UPK1A: variants seen among roughly 807,000 people sequenced by gnomAD.
UPK1A encodes the protein uroplakin 1A.
Under a neutral mutation model 32.3 loss-of-function variants are expected in UPK1A, and 31 were observed. That is an observed-to-expected ratio of 0.96 (90% CI 0.72 to 1.30). The LOEUF (loss-of-function observed/expected upper bound fraction) is 1.30. Ranked by LOEUF, UPK1A falls within the 50% of genes most tolerant of loss-of-function variation. The probability of loss-of-function intolerance (pLI) is 0.00; values close to 1 mark genes in which losing one functional copy is unlikely to be tolerated. For missense variants in UPK1A, 340 were observed against 357.4 expected, an observed-to-expected ratio of 0.95 and a Z score of 0.39; for synonymous variants, 135 against 137.1, an observed-to-expected ratio of 0.98 and a Z score of 0.11.
intron 6 of UPK1A, 87 bp downstream of exon 6, chr19:35,676,106 C>G: frequency 1.4e-6 from 2 of 1,391,434 alleles, no homozygotes; most frequent in East Asian, 5.0e-5. Context: ...CTCTTTCTCC[C>G]TCCCTGTGTC....
chr19:35,666,853 C>G (rs748635844), exon 2 of UPK1A: 3 of 1,614,112 alleles, frequency 1.9e-6, no homozygotes, highest in Non-Finnish European at 2.5e-6. Flanking sequence ...AAGGGATCTC[C>G]AGTTGTGGTG....
intron 3 of UPK1A, among the ~76,000 whole-genome samples, chr19:35,672,966 C>T (rs1968124539): frequency 6.6e-6 from 1 of 152,162 alleles, no homozygotes; most frequent in African/African-American, 2.4e-5. Flanking sequence ...ATCGCCCCCT[C>T]GGCCTCCCAA....
chr19:35,666,943 A>G, intron 2 of UPK1A, 47 bp downstream of exon 2: 2 of 1,595,958 alleles, frequency 1.3e-6, no homozygotes, highest in Non-Finnish European at 1.7e-6. Flanking sequence ...TGTGGTGGGG[A>G]GGGGACAGTC....
intron 5 of UPK1A, 98 bp downstream of exon 5, chr19:35,673,643 T>A: frequency 1.9e-6 from 2 of 1,027,188 alleles, no homozygotes; most frequent in Non-Finnish European, 2.9e-6. Flanking sequence ...GTGAGTGCCT[T>A]AAAGACATCC....
At chr19:35,670,495 CCTCCCCTCCCCTCCCCTCGCCTCCT>C (rs1396892199) in intron 3 of UPK1A, among the ~76,000 whole-genome samples, 1 of 75,788 alleles carries the variant, frequency 1.3e-5, no homozygotes, top group Non-Finnish European at 2.7e-5. Flanking sequence ...GGACTCCTCC[CCTCCCCTCCCCTCCCCTCGCCTCCT>C]CTCCCCTCCC....
chr19:35,668,165 C>G, intron 2 of UPK1A: 1 of 491,270 alleles, frequency 2.0e-6, no homozygotes, highest in Non-Finnish European at 3.7e-6. Flanking sequence ...GCAGATGGAC[C>G]AAGCATCTCC....
intron 3 of UPK1A, among the ~76,000 whole-genome samples, chr19:35,669,135 C>T (rs1599629203): frequency 6.6e-6 from 1 of 152,168 alleles, no homozygotes; most frequent in East Asian, 1.9e-4. Context: ...TCATTTATTC[C>T]TCATAGTCCA....
Position 35,668,667 on chromosome 19 carries a change from G to A in UPK1A, c.285+13G>A, listed in dbSNP as rs1230810571. The A allele has an allele frequency of 6.2e-7, 1 of 1,606,750 alleles. No individual in the cohort carries two copies. The highest frequency in any genetic ancestry group is 2.2e-5 in the East Asian group (1 of 44,646). On this transcript the variant is annotated intron_variant, in intron 3 of 7. Transcript: ENST00000617999. ...CATGGTCCTCACGGTGAGACTCCAGGGGTTGGGGGATGGGGACACTGAAAA... is the reference window on the plus strand; with the variant it reads ...CATGGTCCTCACGGTGAGACTCCAGAGGTTGGGGGATGGGGACACTGAAAA...
At chr19:35,668,553 G>T in exon 3 of UPK1A, 1 of 1,614,146 alleles carries the variant, frequency 6.2e-7, no homozygotes, top group Non-Finnish European at 8.5e-7. Flanking sequence ...TGACGTCTTC[G>T]CTGGTGCCTG....
Position 35,676,029 on chromosome 19 carries a change from TC to T in UPK1A, c.648+11del. 1.2e-6 allele frequency: 2 copies of T among 1,607,964 alleles called. No homozygotes were observed. Among genetic ancestry groups the T allele is most frequent in the Non-Finnish European group, 1.7e-6 (2 of 1,176,594 alleles). On this transcript the variant is annotated intron_variant, in intron 6 of 7. Coordinates refer to ENST00000617999, the Ensembl canonical transcript of UPK1A. ...CTACCTGTTCACCAAGGTGTGGCCG[TC>T]TGCCCTGCTCCATCTGTCTATCCAT...
At chr19:35,671,386 CAA>C (rs370178140) in intron 3 of UPK1A, among the ~76,000 whole-genome samples, 5 of 88,684 alleles carry the variant, frequency 5.6e-5, no homozygotes, top group African/African-American at 9.3e-5. Flanking sequence ...GACTCTGTCT[CAA>C]AAAAAAAAAA....
intron 2 of UPK1A, among the ~76,000 whole-genome samples, chr19:35,667,609 T>C (rs1370986027): frequency 6.6e-6 from 1 of 152,008 alleles, no homozygotes; most frequent in Non-Finnish European, 1.5e-5. Flanking sequence ...TTCTCCTGCC[T>C]CAGCTTCCCG....
At chr19:35,670,971 T>C (rs1461447275) in intron 3 of UPK1A, among the ~76,000 whole-genome samples, 2 of 151,982 alleles carry the variant, frequency 1.3e-5, no homozygotes, top group East Asian at 2.0e-4. Context: ...CACCTCAGCC[T>C]CCCAAAGTGT....
intron 3 of UPK1A, among the ~76,000 whole-genome samples, chr19:35,672,199 CTA>C (rs1158542240): frequency 6.6e-6 from 1 of 152,186 alleles, no homozygotes; most frequent in African/African-American, 2.4e-5. Context: ...TCAAGTTCTT[CTA>C]TATCTTCCAA....
chr19:35,667,477 C>T (rs138690089), intron 2 of UPK1A, among the ~76,000 whole-genome samples: 14,809 of 150,868 alleles, frequency 0.098, 786 homozygotes, highest in East Asian at 0.25. Flanking sequence ...GGATTACAGG[C>T]GCACACCACC....
chr19:35,676,134 C>G, intron 6 of UPK1A, 115 bp downstream of exon 6: 21 of 1,140,720 alleles, frequency 1.8e-5, no homozygotes, highest in Non-Finnish European at 2.6e-5. Context: ...CTAGCTTTTT[C>G]CCTCTCCTCT....
chr19:35,676,198 T>TCTTTCTTTCTTTCTTTCTTTCTTTC (rs576312064), intron 6 of UPK1A, 179 bp downstream of exon 6: 323 of 818,420 alleles, frequency 3.9e-4, no homozygotes, highest in Admixed American at 6.3e-4. Flanking sequence ...TTTCTTTCTT[T>TCTTTCTTTCTTTCTTTCTTTCTTTC]TTTTTTTTTC....
rs371139752 is a variant in UPK1A at position 35,675,932 on chromosome 19, C to T, written c.561C>T (p.Pro187=). The T allele has an allele frequency of 1.9e-6, 3 of 1,613,868 alleles. No homozygotes were observed. In the African/African-American group the frequency reaches 4.0e-5, roughly 22 times the overall value. The change falls in exon 6 of 8, where the codon CCC becomes CCT. Residue 187 remains proline (P), a synonymous_variant. Coordinates refer to ENST00000617999, the Ensembl canonical transcript of UPK1A. ...CTCCGGAGGTGGTGTTCCCCTGGCC[C>T]CCACTGTGCTGTCGCCGGACGGGAA...
intron 6 of UPK1A, 133 bp from the exon 7 acceptor site, chr19:35,677,679 G>A: frequency 8.5e-7 from 1 of 1,177,012 alleles, no homozygotes; most frequent in Non-Finnish European, 1.2e-6. Context: ...ACAGTGCCAT[G>A]GTCCCCATTG....
Sources: gnomAD v4.1 joint callset for allele counts (sites outside exome capture counted in the v4.1 genomes callset) on GRCh38, gnomAD v4.1.1 for gene constraint, MANE v1.5 for transcripts, NCBI Gene and HGNC (gene_info 2026-07-23, HGNC 2026-07-21) for gene names.